Variants in NCK2 observed in about 807,000 individuals in gnomAD.
NCK2 encodes the protein cytoplasmic protein NCK2.
NCK2 carries 16 observed loss-of-function variants against 33.9 expected under a neutral mutation model. The observed-to-expected ratio is 0.47, with a 90% confidence interval of 0.32 to 0.72. The LOEUF is 0.72. Ranked by LOEUF, NCK2 falls within the 30% of genes least tolerant of loss-of-function variation. The pLI is 0.03. For synonymous variants in NCK2, 273 were observed against 239.9 expected (o/e 1.14, Z -1.27); for missense variants, 418 against 537.3 (o/e 0.78, Z 2.19).
intron 3 of NCK2, among the ~76,000 whole-genome samples, chr2:105,858,159 A>G (rs984481185): frequency 1.3e-5 from 2 of 151,544 alleles, no homozygotes; most frequent in Non-Finnish European, 2.9e-5. Flanking sequence ...TGACAGTATG[A>G]CTTTAGGCCA....
At chr2:105,830,502 A>G (rs1386077658) in intron 2 of NCK2, among the ~76,000 whole-genome samples, 1 of 152,108 alleles carries the variant, frequency 6.6e-6, no homozygotes, top group East Asian at 1.9e-4. Flanking sequence ...GGTTGATTAC[A>G]TATCTTGGCT....
At chr2:105,774,592 A>G (rs2104387936) in intron 1 of NCK2, among the ~76,000 whole-genome samples, 1 of 152,182 alleles carries the variant, frequency 6.6e-6, no homozygotes, top group Admixed American at 6.5e-5. Context: ...TGTCCACTGC[A>G]GGTCTGGTCA....
chr2:105,871,503 C>CTT (rs369980011), intron 3 of NCK2, among the ~76,000 whole-genome samples: 63 of 148,546 alleles, frequency 4.2e-4, no homozygotes, highest in African/African-American at 1.4e-3. Flanking sequence ...TTTCTTTTTT[C>CTT]TTTTTTTTTT....
At chr2:105,755,581 C>T (rs917137236) in intron 1 of NCK2, among the ~76,000 whole-genome samples, 9 of 152,214 alleles carry the variant, frequency 5.9e-5, no homozygotes, top group Admixed American at 5.2e-4. Flanking sequence ...TGTGGCTTCT[C>T]ATTCATTTTA....
intron 3 of NCK2, among the ~76,000 whole-genome samples, chr2:105,862,429 G>GA (rs1677577436): frequency 6.6e-6 from 1 of 152,190 alleles, no homozygotes; most frequent in Admixed American, 6.5e-5. Flanking sequence ...AATCACAGAT[G>GA]AAAAAATGAA....
intron 2 of NCK2, among the ~76,000 whole-genome samples, chr2:105,828,753 C>T (rs6725519): frequency 0.3 from 45,417 of 152,110 alleles, 7,305 homozygotes; most frequent in South Asian, 0.39. Flanking sequence ...AAATAGGATG[C>T]TGCTGTGTTG....
intron 1 of NCK2, among the ~76,000 whole-genome samples, chr2:105,774,060 G>A (rs948443718): frequency 2.0e-5 from 3 of 151,054 alleles, no homozygotes; most frequent in African/African-American, 7.3e-5. Flanking sequence ...CCAGGCTGGA[G>A]TGCAGTGGCA....
chr2:105,766,892 G>A (rs560012379), intron 1 of NCK2, among the ~76,000 whole-genome samples: 19 of 152,304 alleles, frequency 1.2e-4, no homozygotes, highest in Admixed American at 5.9e-4. Context: ...TTAGTAACTG[G>A]CTGGAGGCTT....
chr2:105,843,483 A>T (rs1262520575), intron 2 of NCK2, among the ~76,000 whole-genome samples: 1 of 152,096 alleles, frequency 6.6e-6, no homozygotes, highest in Non-Finnish European at 1.5e-5. Context: ...GCTGGTTACA[A>T]TCAAGGCAGA....
intron 1 of NCK2, among the ~76,000 whole-genome samples, chr2:105,805,559 C>T (rs1675000673): frequency 6.6e-6 from 1 of 152,102 alleles, no homozygotes; most frequent in African/African-American, 2.4e-5. Context: ...CGAACTTACT[C>T]ATAACCAAAA....
upstream of NCK2, chr2:105,744,802 G>GGGAGGAGCGCGGGAGGAGGA (rs1330978359): frequency 2.0e-5 from 3 of 149,896 alleles, no homozygotes; most frequent in Non-Finnish European, 4.5e-5. Context: ...GGCGCGGCCG[G>GGGAGGAGCGCGGGAGGAGGA]GGAGGAGCGC....
chr2:105,848,434 A>G (rs981637129), intron 2 of NCK2: 3 of 152,260 alleles, frequency 2.0e-5, no homozygotes, highest in African/African-American at 7.2e-5. Flanking sequence ...ATTACCCAAT[A>G]AAAACAGAAG....
At chr2:105,770,575 A>T (rs919234785) in intron 1 of NCK2, among the ~76,000 whole-genome samples, 2 of 152,178 alleles carry the variant, frequency 1.3e-5, no homozygotes, top group African/African-American at 4.8e-5. Context: ...TCATTTTTAG[A>T]GTGTGTAGAT....
chr2:105,784,344 G>T (rs1246174749), intron 1 of NCK2, among the ~76,000 whole-genome samples: 1 of 152,216 alleles, frequency 6.6e-6, no homozygotes, highest in Non-Finnish European at 1.5e-5. Flanking sequence ...CCCACCTGCT[G>T]ATCGGACTCC....
chr2:105,773,097 C>A (rs1690188830), intron 1 of NCK2, among the ~76,000 whole-genome samples: 2 of 151,772 alleles, frequency 1.3e-5, no homozygotes, highest in South Asian at 4.2e-4. Context: ...CAGGCCCTCA[C>A]TGTGTTATCC....
chr2:105,787,008 A>G (rs114320557), intron 1 of NCK2, among the ~76,000 whole-genome samples: 2,860 of 152,260 alleles, frequency 0.019, 52 homozygotes, highest in Non-Finnish European at 0.022. Flanking sequence ...GTGGCTCTCA[A>G]TGGGGTGAGC....
chr2:105,753,685 G>T (rs1468449262), intron 1 of NCK2, among the ~76,000 whole-genome samples: 1 of 152,186 alleles, frequency 6.6e-6, no homozygotes, highest in Non-Finnish European at 1.5e-5. Context: ...TGTTGGAATA[G>T]CTTGCACAAG....
intron 2 of NCK2, among the ~76,000 whole-genome samples, chr2:105,823,504 T>G (rs1675827409): frequency 6.6e-6 from 1 of 151,980 alleles, no homozygotes; most frequent in Admixed American, 6.5e-5. Flanking sequence ...AATGGTTTCT[T>G]TAGAAATGTT....
intron 3 of NCK2, among the ~76,000 whole-genome samples, chr2:105,867,302 A>G (rs1338971075): frequency 6.6e-6 from 1 of 152,240 alleles, no homozygotes; most frequent in South Asian, 2.1e-4. Flanking sequence ...TTGTATGAAC[A>G]TGAATTAAAT....
Sources: allele counts gnomAD v4.1 joint callset (sites outside exome capture counted in the v4.1 genomes callset), GRCh38; gene constraint gnomAD v4.1.1; transcripts MANE v1.5; gene names NCBI Gene and HGNC (gene_info 2026-07-23, HGNC 2026-07-21).